GNAI1: variants seen among roughly 807,000 people sequenced by gnomAD.
GNAI1 encodes the protein G protein subunit alpha i1.
In GNAI1, 11 loss-of-function variants were observed where a neutral mutation model predicts 38.9. The ratio of observed to expected loss-of-function variants is 0.28; its 90% CI spans 0.18 to 0.47. GNAI1 has a LOEUF of 0.47. Ranked by LOEUF, GNAI1 falls within the 20% of genes least tolerant of loss-of-function variation. The pLI is 0.99. For missense variants in GNAI1, 317 were observed against 436.9 expected (o/e 0.73, Z 2.45); for synonymous variants, 166 against 145.1 (o/e 1.14, Z -1.04).
chr7:80,154,134 G>A (rs1468882491), intron 1 of GNAI1, among the ~76,000 whole-genome samples: 1 of 152,058 alleles, frequency 6.6e-6, no homozygotes, highest in Non-Finnish European at 1.5e-5. Context: ...TGTTGCCCAG[G>A]CTGGCCTCAA....
intron 7 of GNAI1, among the ~76,000 whole-genome samples, chr7:80,214,917 G>A (rs1562845771): frequency 6.6e-6 from 1 of 152,102 alleles, no homozygotes; most frequent in Non-Finnish European, 1.5e-5. Context: ...TCTCTCTGGA[G>A]CCTTAGATTT....
intron 3 of GNAI1, among the ~76,000 whole-genome samples, chr7:80,195,369 G>A (rs1788550469): frequency 6.6e-6 from 1 of 151,192 alleles, no homozygotes; most frequent in African/African-American, 2.4e-5. Context: ...TTCTTATGGG[G>A]AAAAAAGAAA....
At chr7:80,146,898 T>C (rs752050238) in intron 1 of GNAI1, among the ~76,000 whole-genome samples, 1 of 152,182 alleles carries the variant, frequency 6.6e-6, no homozygotes, top group Non-Finnish European at 1.5e-5. Context: ...CACACACATA[T>C]CTATCACACT....
At chr7:80,177,024 C>CTT (rs569135086) in intron 1 of GNAI1, among the ~76,000 whole-genome samples, 477 of 61,188 alleles carry the variant, frequency 7.8e-3, no homozygotes, top group East Asian at 9.7e-3. Context: ...GACAGCATAT[C>CTT]TTTTTTTTTT....
chr7:80,211,234 A>G, intron 6 of GNAI1, 136 bp downstream of exon 6: 3 of 698,138 alleles, frequency 4.3e-6, no homozygotes, highest in Non-Finnish European at 7.0e-6. Context: ...TAAAAGAGAG[A>G]TATACTAGAG....
chr7:80,135,474 G>T (rs1183380084), intron 1 of GNAI1, 196 bp downstream of exon 1: 11 of 417,660 alleles, frequency 2.6e-5, no homozygotes, highest in Admixed American at 8.9e-5. Flanking sequence ...GCCCCGGCGG[G>T]CGAGGACTCC....
At chr7:80,175,318 T>G (rs1303433826) in intron 1 of GNAI1, among the ~76,000 whole-genome samples, 1 of 152,152 alleles carries the variant, frequency 6.6e-6, no homozygotes, top group Non-Finnish European at 1.5e-5. Context: ...GAGGAGATTA[T>G]GAGTAATTTT....
At chr7:80,180,322 AGTGT>A (rs59104301) in intron 1 of GNAI1, among the ~76,000 whole-genome samples, 115,873 of 150,096 alleles carry the variant, frequency 0.77, 45,108 homozygotes, top group East Asian at 0.93. Context: ...ATTCTTATAA[AGTGT>A]GTGTGTGTGT....
rs1322884909 is a variant in GNAI1, at chr7:80,223,246, A to G, written c.*5753A>G. Among the ~76,000 whole-genome samples the G allele has an allele frequency of 1.3e-5, 2 of 152,206 alleles. No individual in the cohort carries two copies. The highest frequency in any genetic ancestry group is 4.8e-5 in the African/African-American group (2 of 41,462). ...CTGCAGTGTCTATGGAGGGATTCTTATAATTAATTTTATTCCTGTGCAAAC... is the reference window on the plus strand; with the variant it reads ...CTGCAGTGTCTATGGAGGGATTCTTGTAATTAATTTTATTCCTGTGCAAAC... On this transcript the variant is annotated 3_prime_UTR_variant, in exon 8 of 8. Transcript: ENST00000649796.
At chr7:80,200,240 T>G (rs1177766452) in intron 4 of GNAI1, among the ~76,000 whole-genome samples, 4 of 146,350 alleles carry the variant, frequency 2.7e-5, no homozygotes, top group African/African-American at 1.0e-4. Flanking sequence ...AGAGGATGAT[T>G]GCTTGAACCC....
intron 1 of GNAI1, among the ~76,000 whole-genome samples, chr7:80,161,544 T>C (rs536183702): frequency 1.5e-4 from 23 of 152,322 alleles, no homozygotes; most frequent in African/African-American, 4.8e-4. Flanking sequence ...TGTGTCATAA[T>C]TGTTTGTGTC....
At chr7:80,203,018 T>C (rs934934360) in intron 4 of GNAI1, among the ~76,000 whole-genome samples, 1 of 152,230 alleles carries the variant, frequency 6.6e-6, no homozygotes, top group Non-Finnish European at 1.5e-5. Context: ...TTCTGTGAAT[T>C]ACTGACTATA....
At position 80,151,702 on chromosome 7, in the gene GNAI1, C is replaced by T. The variant is rs539195492; in HGVS notation, c.118+16424C>T. ...TTTCTACATGAAAAAAATACATCTGCCTCTAACTTTCAAACTGCCTAAGTG... is the reference window on the plus strand; with the variant it reads ...TTTCTACATGAAAAAAATACATCTGTCTCTAACTTTCAAACTGCCTAAGTG... On this transcript the variant is annotated intron_variant, in intron 1 of 7. Transcript: ENST00000649796. Among the ~76,000 whole-genome samples the T allele has an allele frequency of 1.3e-4, 20 of 152,322 alleles. No individual in the cohort carries two copies. The South Asian group carries it at 4.1e-3, about 32-fold the overall frequency.
intron 1 of GNAI1, among the ~76,000 whole-genome samples, chr7:80,177,836 T>C (rs2115589223): frequency 6.6e-6 from 1 of 152,332 alleles, no homozygotes; most frequent in South Asian, 2.1e-4. Context: ...AGGAAGTAAT[T>C]TCAACTTTCA....
intron 1 of GNAI1, among the ~76,000 whole-genome samples, chr7:80,140,304 A>C (rs1039469444): frequency 1.3e-5 from 2 of 152,304 alleles, no homozygotes; most frequent in East Asian, 1.9e-4. Context: ...CTAATGCATA[A>C]AAAGTATGAC....
chr7:80,168,105 G>A (rs1008739791), intron 1 of GNAI1, among the ~76,000 whole-genome samples: 1 of 152,076 alleles, frequency 6.6e-6, no homozygotes, highest in Admixed American at 6.6e-5. Context: ...GAGAATCATT[G>A]CCCTTAGCTG....
intron 1 of GNAI1, among the ~76,000 whole-genome samples, chr7:80,183,347 C>A (rs1205641116): frequency 6.6e-6 from 1 of 152,012 alleles, no homozygotes; most frequent in Non-Finnish European, 1.5e-5. Context: ...CTTACAGTAG[C>A]ATTATAATAA....
chr7:80,186,587 G>T (rs1218380210), intron 1 of GNAI1, among the ~76,000 whole-genome samples: 1 of 151,826 alleles, frequency 6.6e-6, no homozygotes, highest in East Asian at 1.9e-4. Flanking sequence ...TCTTCCTTTC[G>T]TGGATCTCAA....
chr7:80,219,249 A>G lies in GNAI1; in HGVS notation c.*1756A>G, dbSNP rs1451264947. 1 of 152,592 alleles carries G rather than the reference A, an allele frequency of 6.6e-6. No homozygotes were observed. Among genetic ancestry groups the G allele is most frequent in the Non-Finnish European group, 1.5e-5 (1 of 68,026 alleles). 9.5% of individuals were successfully genotyped at this position (152,592 alleles called of 1,614,324 possible). The stretch of plus-strand genomic sequence containing the variant: ...TCCACATTGTGAAGCTGTGTATGAA[A>G]TTCAACTATAATATGAATAAATTTG... On this transcript the variant is annotated 3_prime_UTR_variant, in exon 8 of 8. Transcript: ENST00000649796.
Sources: allele counts gnomAD v4.1 joint callset (sites outside exome capture counted in the v4.1 genomes callset), GRCh38; gene constraint gnomAD v4.1.1; transcripts MANE v1.5; gene names NCBI Gene and HGNC (gene_info 2026-07-23, HGNC 2026-07-21).